The following RORB variants were observed in gnomAD, a reference collection of about 807,000 sequenced individuals.
RORB encodes nuclear receptor ROR-beta.
RORB carries 6 observed loss-of-function variants against 59.1 expected under a neutral mutation model. The observed-to-expected ratio is 0.10, with a 90% CI of 0.06 to 0.20. The LOEUF (loss-of-function observed/expected upper bound fraction) is 0.20. Ranked by LOEUF, RORB falls within the 10% of genes least tolerant of loss-of-function variation. The probability of loss-of-function intolerance (pLI) is 1.00; values close to 1 mark genes in which losing one functional copy is unlikely to be tolerated. For missense variants in RORB, 320 were observed against 560.5 expected (o/e 0.57, Z 4.33); for synonymous variants, 215 against 204.5 (o/e 1.05, Z -0.44).
In RORB at chr9:74,641,161, T is replaced by G. The variant is rs566737444; in HGVS notation, c.236-1253T>G. On this transcript the variant is annotated intron_variant, in intron 3 of 9. Transcript: ENST00000376896. ...TTTGTGGTAGCCCCCACTATTAACA[T>G]GAGCTGAACAATGCTTGATAATTCA... Among the ~76,000 whole-genome samples the G allele has an allele frequency of 9.2e-5, 14 of 152,310 alleles. No individual in the cohort carries two copies. The East Asian group carries it at 2.3e-3, about 25-fold the overall frequency.
chr9:74,609,127 G>A (rs1823193746), intron 1 of RORB, among the ~76,000 whole-genome samples: 1 of 152,122 alleles, frequency 6.6e-6, no homozygotes, highest in Non-Finnish European at 1.5e-5. Context: ...TTTAATTAGT[G>A]CCTACTACAT....
intron 5 of RORB, 21 bp from the exon 6 acceptor site, chr9:74,662,453 T>C (rs531008525): frequency 1.2e-6 from 2 of 1,613,230 alleles, no homozygotes; most frequent in East Asian, 2.2e-5. Flanking sequence ...CTATTTACAT[T>C]CTGTGTCTTC....
intron 1 of RORB, among the ~76,000 whole-genome samples, chr9:74,585,769 C>T (rs1291525892): frequency 1.1e-5 from 1 of 91,760 alleles, no homozygotes; most frequent in Non-Finnish European, 2.6e-5. Context: ...CTACACAGCA[C>T]TCTTTTCACA....
chr9:74,562,871 AC>A (rs1320416884), intron 1 of RORB, among the ~76,000 whole-genome samples: 1 of 152,164 alleles, frequency 6.6e-6, no homozygotes, highest in East Asian at 1.9e-4. Context: ...ACACTTTATC[AC>A]TGTTGCTGTT....
intron 1 of RORB, among the ~76,000 whole-genome samples, chr9:74,586,445 C>T (rs539702632): frequency 6.6e-6 from 1 of 152,034 alleles, no homozygotes; most frequent in East Asian, 1.9e-4. Context: ...TTGCAGTAAG[C>T]CTAGATGGTA....
chr9:74,584,058 C>G (rs931629760), intron 1 of RORB, among the ~76,000 whole-genome samples: 1 of 152,206 alleles, frequency 6.6e-6, no homozygotes, highest in Non-Finnish European at 1.5e-5. Flanking sequence ...CCAGTCTTGA[C>G]AGCCATAAAC....
At chr9:74,548,235 A>G (rs1826534246) in intron 1 of RORB, among the ~76,000 whole-genome samples, 1 of 152,176 alleles carries the variant, frequency 6.6e-6, no homozygotes, top group South Asian at 2.1e-4. Context: ...TTAGTATTGT[A>G]GCTTCTCTTA....
intron 2 of RORB, among the ~76,000 whole-genome samples, chr9:74,634,112 C>T (rs898485574): frequency 7.0e-6 from 1 of 143,626 alleles, no homozygotes; most frequent in Admixed American, 7.1e-5. Context: ...CAGCTGCATT[C>T]GAGCCAAATT....
At chr9:74,546,748 A>G (rs572722247) in intron 1 of RORB, among the ~76,000 whole-genome samples, 3 of 152,304 alleles carry the variant, frequency 2.0e-5, no homozygotes, top group African/African-American at 7.2e-5. Context: ...CCACCTAGAG[A>G]TTCTGATGCA....
chr9:74,589,489 G>C (rs1158450700), intron 1 of RORB, among the ~76,000 whole-genome samples: 1 of 152,172 alleles, frequency 6.6e-6, no homozygotes, highest in Non-Finnish European at 1.5e-5. Context: ...CAGTGGGCAA[G>C]TCACTTTGTA....
intron 4 of RORB, among the ~76,000 whole-genome samples, chr9:74,658,024 A>AAAAAAG (rs1563966343): frequency 7.7e-6 from 1 of 129,440 alleles, no homozygotes; most frequent in South Asian, 2.4e-4. Context: ...AAAAAAAAAA[A>AAAAAAG]AAAAGAAAAG....
At chr9:74,644,334 G>T (rs117186088) in intron 4 of RORB, among the ~76,000 whole-genome samples, 87 of 152,334 alleles carry the variant, frequency 5.7e-4, no homozygotes, top group Non-Finnish European at 9.8e-4. Flanking sequence ...AACAAAAATA[G>T]TTAATTATTA....
chr9:74,666,458 T>TAA (rs541144093), intron 7 of RORB, among the ~76,000 whole-genome samples: 3 of 140,752 alleles, frequency 2.1e-5, no homozygotes, highest in Non-Finnish European at 3.1e-5. Flanking sequence ...GAGACCCTGT[T>TAA]AAAAAAAAAA....
chr9:74,648,413 A>G (rs954589921), intron 4 of RORB, among the ~76,000 whole-genome samples: 1 of 152,218 alleles, frequency 6.6e-6, no homozygotes, highest in Admixed American at 6.5e-5. Flanking sequence ...TGACTTTTAA[A>G]GACTATGGTT....
At chr9:74,587,871 C>T (rs959148057) in intron 1 of RORB, among the ~76,000 whole-genome samples, 6 of 152,084 alleles carry the variant, frequency 3.9e-5, no homozygotes, top group South Asian at 2.1e-4. Flanking sequence ...GAGGCACTAC[C>T]GGAAAGTGTG....
intron 1 of RORB, among the ~76,000 whole-genome samples, chr9:74,561,523 C>T (rs1239874767): frequency 6.6e-6 from 1 of 152,068 alleles, no homozygotes; most frequent in African/African-American, 2.4e-5. Flanking sequence ...AAATTGGAAA[C>T]ATTCAAACTA....
chr9:74,603,493 A>G lies in RORB; in HGVS notation c.8-26789A>G, dbSNP rs1268005171. On this transcript the variant is annotated intron_variant, in intron 1 of 9. Transcript: ENST00000376896. ...GCACAAGTCCAAAGCCCATGCCACA[A>G]ACTGGTGTTTCCCAAAGATTCAGTC... Among the ~76,000 whole-genome samples the G allele has an allele frequency of 2.6e-5, 4 of 152,312 alleles. No homozygotes were observed. In the East Asian group the frequency reaches 7.7e-4, roughly 29 times the overall value.
At chr9:74,506,929 G>T (rs1825878274) in intron 1 of RORB, among the ~76,000 whole-genome samples, 1 of 152,098 alleles carries the variant, frequency 6.6e-6, no homozygotes, top group African/African-American at 2.4e-5. Context: ...CTTGGAAATA[G>T]AAGAATTCGA....
chr9:74,543,819 A>G (rs1268789718), intron 1 of RORB, among the ~76,000 whole-genome samples: 1 of 152,148 alleles, frequency 6.6e-6, no homozygotes, highest in Non-Finnish European at 1.5e-5. Flanking sequence ...GGAAATTAAT[A>G]TCACTTCATC....
Sources: gnomAD v4.1 joint callset for allele counts (sites outside exome capture counted in the v4.1 genomes callset) on GRCh38, gnomAD v4.1.1 for gene constraint, MANE v1.5 for transcripts, NCBI Gene and HGNC (gene_info 2026-07-23, HGNC 2026-07-21) for gene names.